CFAP53: variants seen among roughly 807,000 people sequenced by gnomAD.
The protein encoded by CFAP53 is cilia- and flagella-associated protein 53.
CFAP53 carries 62 observed loss-of-function variants against 59.7 expected under a neutral mutation model. The observed-to-expected ratio is 1.04, with a 90% CI of 0.85 to 1.28. CFAP53 has a LOEUF of 1.28. CFAP53 is among the 50% of genes most tolerant of loss of function. CFAP53 has a pLI of 0.00. For missense variants in CFAP53, 629 were observed against 615.6 expected, an observed-to-expected ratio of 1.02 and a Z score of -0.23; for synonymous variants, 218 against 205.7, an observed-to-expected ratio of 1.06 and a Z score of -0.51.
At position 50,242,942 on chromosome 18, in the gene CFAP53, C is replaced by T. The variant is rs1271351247; in HGVS notation, c.1171G>A (p.Asp391Asn). 3 of 1,613,834 alleles carry T rather than the reference C, an allele frequency of 1.9e-6. No individual in the cohort carries two copies. The highest frequency in any genetic ancestry group is 1.3e-5 in the African/African-American group (1 of 74,920). The change falls in exon 6 of 8, where the codon GAT (aspartate) becomes AAT (asparagine). Residue 391 changes from aspartate (D) to asparagine (N), a missense_variant. Coordinates refer to ENST00000398545, the MANE Select transcript of CFAP53 (RefSeq NM_145020.5). ...LEKEARRQLV[D>N]EVMCTRKLQV... ...AGTTTTCTTGTACACATGACCTCAT[C>T]CACAAGCTGTCTCCTTGCCTCCTTT... is the stretch of plus-strand genomic sequence containing the variant.
chr18:50,251,698 T>TTAAATGC lies in CFAP53; in HGVS notation c.553_559dup (p.Asn187SerfsTer3). 2 of 1,614,220 alleles carry TTAAATGC rather than the reference T, an allele frequency of 1.2e-6. No homozygotes were observed. The highest frequency in any genetic ancestry group is 1.7e-6 in the Non-Finnish European group (2 of 1,180,038). On this transcript the variant is annotated stop_gained and frameshift_variant, in exon 4 of 8. Transcript: ENST00000398545. LOFTEE classifies it high-confidence loss of function. ...CAGCTTTTGCCTGCTCAGCTCCTCA[T>TTAAATGC]TAAATGCAATCTGTGCTTTCCGCTC...
intron 6 of CFAP53, among the ~76,000 whole-genome samples, chr18:50,241,533 CCTTT>C (rs1376525087): frequency 3.9e-5 from 6 of 152,094 alleles, no homozygotes; most frequent in Non-Finnish European, 5.9e-5. Flanking sequence ...CAACGTAGGT[CCTTT>C]CTATTTTCCC....
At chr18:50,244,699 C>A (rs1233486645) in intron 5 of CFAP53, among the ~76,000 whole-genome samples, 2 of 152,078 alleles carry the variant, frequency 1.3e-5, no homozygotes, top group East Asian at 3.9e-4. Flanking sequence ...CTTGAAGGGA[C>A]TCTCATGATC....
At chr18:50,236,226 C>G (rs537570616) in intron 7 of CFAP53, among the ~76,000 whole-genome samples, 1 of 152,234 alleles carries the variant, frequency 6.6e-6, no homozygotes, top group Non-Finnish European at 1.5e-5. Flanking sequence ...TCTGGCAAGC[C>G]TTTGTTTCCT....
intron 6 of CFAP53, among the ~76,000 whole-genome samples, chr18:50,240,904 G>A (rs2033684385): frequency 6.6e-6 from 1 of 152,206 alleles, no homozygotes; most frequent in African/African-American, 2.4e-5. Context: ...ACATGGAAAT[G>A]GCAGAAATCT....
At chr18:50,232,409 G>A (rs2033591858) in intron 7 of CFAP53, among the ~76,000 whole-genome samples, 1 of 152,236 alleles carries the variant, frequency 6.6e-6, no homozygotes, top group Admixed American at 6.5e-5. Flanking sequence ...GCAGAGGCAA[G>A]AGACAGGCTC....
chr18:50,259,764 C>T (rs1568159361), intron 3 of CFAP53, among the ~76,000 whole-genome samples: 1 of 151,994 alleles, frequency 6.6e-6, no homozygotes, highest in Non-Finnish European at 1.5e-5. Flanking sequence ...AATAAGGTCC[C>T]ACTATGTTGC....
intron 7 of CFAP53, among the ~76,000 whole-genome samples, chr18:50,234,111 C>A (rs1473388888): frequency 6.6e-6 from 1 of 152,136 alleles, no homozygotes. Context: ...TGTAATTACA[C>A]CCTCAACTAT....
chr18:50,264,336 T>G (rs2033918226), intron 1 of CFAP53, among the ~76,000 whole-genome samples: 1 of 152,188 alleles, frequency 6.6e-6, no homozygotes, highest in South Asian at 2.1e-4. Context: ...CAATTTACAG[T>G]TCGGTTGTCT....
At chr18:50,266,312 C>T (rs2144454260) in intron 1 of CFAP53, 24 bp downstream of exon 1, 1 of 1,612,246 alleles carries the variant, frequency 6.2e-7, no homozygotes, top group East Asian at 2.2e-5. Context: ...GCTGTAGGGT[C>T]TGGCAGACAT....
At chr18:50,261,806 TG>T (rs2033896456) in intron 2 of CFAP53, among the ~76,000 whole-genome samples, 183 bp downstream of exon 2, 1 of 152,310 alleles carries the variant, frequency 6.6e-6, no homozygotes, top group African/African-American at 2.4e-5. Context: ...AACAATATAT[TG>T]TTTTTCATCA....
In CFAP53 at chr18:50,251,019, G is replaced by A. The variant is rs773957666; in HGVS notation, c.778-43C>T. On this transcript the variant is annotated intron_variant, in intron 4 of 7. Coordinates refer to ENST00000398545, the MANE Select transcript of CFAP53 (RefSeq NM_145020.5). ...TAAAGATAATGCATCAGTACAGTTGGACAAGACAAGTTAGTGCATTTGACT... is the reference window on the plus strand; with the variant it reads ...TAAAGATAATGCATCAGTACAGTTGAACAAGACAAGTTAGTGCATTTGACT... 8.6e-6 allele frequency: 13 copies of A among 1,516,562 alleles called. No homozygotes were observed. In the South Asian group the frequency reaches 1.2e-4, roughly 14 times the overall value. 93.9% of individuals were successfully genotyped at this position (1,516,562 alleles called of 1,614,324 possible).
At chr18:50,251,869 T>C (rs1026305124) in intron 3 of CFAP53, 85 bp from the exon 4 acceptor site, 3 of 1,209,684 alleles carry the variant, frequency 2.5e-6, no homozygotes, top group Admixed American at 2.1e-5. Context: ...AATCACACAA[T>C]GAAGCAAGAA....
At chr18:50,262,869 G>A (rs1342031260) in intron 1 of CFAP53, among the ~76,000 whole-genome samples, 1 of 152,116 alleles carries the variant, frequency 6.6e-6, no homozygotes, top group Non-Finnish European at 1.5e-5. Context: ...AAAGCTGGTG[G>A]TAGAACTTTA....
chr18:50,250,871 T>A lies in CFAP53; in HGVS notation c.883A>T (p.Arg295Trp). ...RTILQKALQE[R>W]IEHIQQEYRD... ...TATTCCTGCTGAATATGTTCTATCC[T>A]CTCTTGTAGGGCTTTTTGCAAAATG... Residue 295 changes from arginine to tryptophan, a missense_variant, in exon 5 of 8, where the codon AGG becomes TGG. Coordinates refer to ENST00000398545, the MANE Select transcript of CFAP53 (RefSeq NM_145020.5). 6.2e-7 allele frequency: 1 copy of A among 1,614,214 alleles called. No individual in the cohort carries two copies. Among genetic ancestry groups the A allele is most frequent in the South Asian group, 1.1e-5 (1 of 91,088 alleles).
intron 7 of CFAP53, among the ~76,000 whole-genome samples, chr18:50,230,592 G>C (rs2033573049): frequency 6.6e-6 from 1 of 152,190 alleles, no homozygotes; most frequent in Non-Finnish European, 1.5e-5. Context: ...TGAACCTGAG[G>C]AGGAGGTCGT....
chr18:50,237,367 T>TACAC lies in CFAP53; in HGVS notation c.1316+1232_1316+1235dup, dbSNP rs757901571. ...ATATATATATACGCACACATATATA[T>TACAC]ACACACACACACACACATACACACA... On this transcript the variant is annotated intron_variant, in intron 7 of 7. Transcript: ENST00000398545. 6.5e-3 allele frequency among the ~76,000 whole-genome samples: 413 copies of TACAC among 63,854 alleles called. 9 individuals are homozygous for TACAC. The highest frequency in any genetic ancestry group is 7.6e-3 in the Non-Finnish European group (261 of 34,452). 41.9% of individuals were successfully genotyped at this position (63,854 alleles called of 152,430 possible). A position where few individuals can be genotyped will look rare whatever the true frequency, so the allele number is the denominator to read the frequency against.
chr18:50,260,619 G>A (rs2033882390), intron 3 of CFAP53, among the ~76,000 whole-genome samples: 1 of 152,076 alleles, frequency 6.6e-6, no homozygotes, highest in East Asian at 1.9e-4. Context: ...TCATGATCAT[G>A]CCACTGCACT....
chr18:50,258,308 C>G (rs1436326145), intron 3 of CFAP53, among the ~76,000 whole-genome samples: 1 of 152,162 alleles, frequency 6.6e-6, no homozygotes, highest in Non-Finnish European at 1.5e-5. Context: ...TACACACTTA[C>G]AGTGAACTCG....
Sources: gnomAD v4.1 joint callset for allele counts (sites outside exome capture counted in the v4.1 genomes callset) on GRCh38, gnomAD v4.1.1 for gene constraint, MANE v1.5 for transcripts, NCBI Gene and HGNC (gene_info 2026-07-23, HGNC 2026-07-21) for gene names.